The following GPRASP1 variants were observed in gnomAD, a reference collection of about 807,000 sequenced individuals.
GPRASP1 encodes G protein-coupled receptor-associated sorting protein 1.
In GPRASP1, 28 loss-of-function variants were observed where a neutral mutation model predicts 68.4. The observed-to-expected ratio is 0.41, with a 90% CI of 0.30 to 0.56. GPRASP1 has a LOEUF of 0.56. Among genes scored for constraint, GPRASP1 ranks in the 20% least tolerant of loss-of-function variants. The pLI, the probability that GPRASP1 is intolerant of heterozygous loss-of-function variation, is 0.29. For missense variants in GPRASP1, 913 were observed against 1,031.5 expected, an observed-to-expected ratio of 0.89 and a Z score of 1.57; for synonymous variants, 304 against 358.2, an observed-to-expected ratio of 0.85 and a Z score of 1.71.
At position 102,651,851 on chromosome X, in the gene GPRASP1, C is replaced by T. The variant is rs1341623225; in HGVS notation, c.-572+118C>T. ...CGTCAGATCGTCTGGAGGAGAACCG[C>T]GCTGACCGCTTCCCAGCCAGCTTTG... On this transcript the variant is annotated intron_variant, in intron 2 of 5. Transcript: ENST00000537097. 2.7e-5 allele frequency: 3 copies of T among 113,156 alleles called. No homozygotes were observed. In the Admixed American group the frequency reaches 2.8e-4, roughly 10 times the overall value. The allele number at this position is 113,156 out of a possible 1,213,427, so 9.3% of individuals were successfully genotyped here. A position where few individuals can be genotyped will look rare whatever the true frequency, so the allele number is the denominator to read the frequency against.
chrX:102,655,175 C>T lies in GPRASP1; in HGVS notation c.1262C>T (p.Ala421Val). The change falls in exon 6 of 6, where the codon GCC becomes GTC. Residue 421 changes from alanine to valine, a missense_variant. Coordinates refer to ENST00000537097, the MANE Select transcript of GPRASP1 (RefSeq NM_001184727.2). ...GACGAGTCCAGCATGGCAGATGAAGCCAGCATAGAGTCCAGTCTACAAGTG... is the reference window on the plus strand; with the variant it reads ...GACGAGTCCAGCATGGCAGATGAAGTCAGCATAGAGTCCAGTCTACAAGTG... ...ATDESSMADE[A>V]SIESSLQVED... 8.3e-7 allele frequency: 1 copy of T among 1,211,412 alleles called. No homozygotes were observed. The highest frequency in any genetic ancestry group is 1.1e-6 in the Non-Finnish European group (1 of 895,312).
chrX:102,654,275 T>G lies in GPRASP1; in HGVS notation c.362T>G (p.Leu121Arg). 1 of 1,210,070 alleles carries G rather than the reference T, an allele frequency of 8.3e-7. No individual in the cohort carries two copies. ...CAGACCAATATCATAGCCTCTCCAC[T>G]TGTCAGTACTGATTCTGTCTTGGTT... ...NSQTNIIASP[L>R]VSTDSVLVAK... The change falls in exon 6 of 6, where the codon CTT becomes CGT. Residue 121 changes from leucine (L) to arginine (R), a missense_variant. By Grantham distance (102) the Leu-to-Arg change is moderately radical. Coordinates refer to ENST00000537097, the MANE Select transcript of GPRASP1 (RefSeq NM_001184727.2).
chrX:102,653,734 T>A lies in GPRASP1; in HGVS notation c.-180T>A. 2.2e-6 allele frequency: 1 copy of A among 450,575 alleles called. No individual in the cohort carries two copies. The highest frequency in any genetic ancestry group is 3.9e-6 in the Non-Finnish European group (1 of 255,000). 37.1% of individuals were successfully genotyped at this position (450,575 alleles called of 1,213,427 possible). A position where few individuals can be genotyped will look rare whatever the true frequency, so the allele number is the denominator to read the frequency against. ...ATTATTGAATTACTGACTGAGACTG[T>A]GTTTGGGAAGGAGGCTGAGTGACTA... On this transcript the variant is annotated 5_prime_UTR_variant, in exon 6 of 6. Coordinates refer to ENST00000537097, the MANE Select transcript of GPRASP1 (RefSeq NM_001184727.2).
Position 102,657,339 on chromosome X carries a change from T to C in GPRASP1, c.3426T>C (p.Cys1142=). The change falls in exon 6 of 6, where the codon TGT becomes TGC. Residue 1142 remains cysteine, a synonymous_variant. Coordinates refer to ENST00000537097, the MANE Select transcript of GPRASP1 (RefSeq NM_001184727.2). ...KESTEPESSS[C]NCIQCELKIG... ...GTACAGAGCCTGAGAGTTCATCCTG[T>C]AACTGCATACAATGTGAGCTGAAAA... 2 of 1,211,402 alleles carry C rather than the reference T, an allele frequency of 1.7e-6. No individual in the cohort carries two copies. Among genetic ancestry groups the C allele is most frequent in the Non-Finnish European group, 2.2e-6 (2 of 895,157 alleles).
Position 102,656,830 on chromosome X carries a change from T to C in GPRASP1, c.2917T>C (p.Phe973Leu). Residue 973 changes from phenylalanine (F) to leucine (L), a missense_variant, in exon 6 of 6, where the codon TTT (phenylalanine) becomes CTT (leucine). Transcript: ENST00000537097. ...GGAAGGGGCCATTGTTGGGTCTTGGTTTGAGGCTGAAGATGAGGTAGATAA... is the reference window on the plus strand; with the variant it reads ...GGAAGGGGCCATTGTTGGGTCTTGGCTTGAGGCTGAAGATGAGGTAGATAA... ...NEEGAIVGSW[F>L]EAEDEVDNRT... 1 of 1,211,110 alleles carries C rather than the reference T, an allele frequency of 8.3e-7. No homozygotes were observed. The highest frequency in any genetic ancestry group is 3.0e-5 in the East Asian group (1 of 33,794).
Position 102,655,775 on chromosome X carries a change from TAGA to T in GPRASP1, c.1865_1867del (p.Glu622del). On this transcript the variant is annotated inframe_deletion, in exon 6 of 6. Coordinates refer to ENST00000537097, the MANE Select transcript of GPRASP1 (RefSeq NM_001184727.2). ...ATTGGGTCCTGGTTTTGGACCAGAG[TAGA>T]AGCTTGTGTGGAGGGTGATGTCAAC... 5.0e-6 allele frequency: 6 copies of T among 1,209,070 alleles called. No individual in the cohort carries two copies. Among genetic ancestry groups the T allele is most frequent in the Non-Finnish European group, 6.7e-6 (6 of 894,494 alleles).
chrX:102,656,598 G>T lies in GPRASP1; in HGVS notation c.2685G>T (p.Glu895Asp). 8.3e-7 allele frequency: 1 copy of T among 1,209,990 alleles called. No individual in the cohort carries two copies. Among genetic ancestry groups the T allele is most frequent in the Non-Finnish European group, 1.1e-6 (1 of 894,854 alleles). ...TACAGGCTGGATCTCAGGCAGTAGAGGAAATGGAGTCAGAGACTGAAGAGG... is the reference window on the plus strand; with the variant it reads ...TACAGGCTGGATCTCAGGCAGTAGATGAAATGGAGTCAGAGACTGAAGAGG... Reference protein sequence around the residue: ...ASIQAGSQAVEEMESETEEET... With the variant: ...ASIQAGSQAVDEMESETEEET... Residue 895 changes from glutamate (E) to aspartate (D), a missense_variant, in exon 6 of 6, where the codon GAG becomes GAT. By Grantham distance (45) the Glu-to-Asp change is conservative. Coordinates refer to ENST00000537097, the MANE Select transcript of GPRASP1 (RefSeq NM_001184727.2).
Position 102,653,221 on chromosome X carries a change from G to A in GPRASP1, c.-412G>A, listed in dbSNP as rs995060396. 1.8e-5 allele frequency: 2 copies of A among 111,519 alleles called. No individual in the cohort carries two copies. The highest frequency in any genetic ancestry group is 6.5e-5 in the African/African-American group (2 of 30,578). 9.2% of individuals were successfully genotyped at this position (111,519 alleles called of 1,213,427 possible). On this transcript the variant is annotated splice_region_variant and 5_prime_UTR_variant, in exon 5 of 6. Coordinates refer to ENST00000537097, the MANE Select transcript of GPRASP1 (RefSeq NM_001184727.2). The stretch of plus-strand genomic sequence containing the variant: ...CTCCTGTATGTTTACTTGTCTGTAG[G>A]ACCCCCTTCTGTCAGCTGTGGGGCT...
Position 102,656,436 on chromosome X carries a change from C to G in GPRASP1, c.2523C>G (p.Val841=). The change falls in exon 6 of 6, where the codon GTC becomes GTG. Residue 841 remains valine, a synonymous_variant. Coordinates refer to ENST00000537097, the MANE Select transcript of GPRASP1 (RefSeq NM_001184727.2). ...GTCCTAAAGCTGAAGAGGAAGAAGT[C>G]ATTATTGGGTCCTGGTTCTGGGAAG... The part of the protein sequence containing the change: ...KSSPKAEEEE[V]IIGSWFWEEE... 1.7e-6 allele frequency: 2 copies of G among 1,210,561 alleles called. No individual in the cohort carries two copies. The highest frequency in any genetic ancestry group is 2.2e-5 in the Admixed American group (1 of 45,934).
intron 3 of GPRASP1, 150 bp from the exon 4 acceptor site, chrX:102,652,681 A>G (rs774800181): frequency 8.8e-6 from 1 of 113,009 alleles, no homozygotes; most frequent in South Asian, 3.7e-4. Context: ...GGCCTAAACA[A>G]AACGAGAATA....
In GPRASP1 at chrX:102,656,079, C is replaced by T. The variant is rs1267647730; in HGVS notation, c.2166C>T (p.Ser722=). Residue 722 remains serine, a synonymous_variant, in exon 6 of 6, where the codon TCC becomes TCT. Transcript: ENST00000537097. ...KYTKPEAIIG[S]WLWATEESNI... is the part of the protein sequence containing the mutation. Reference sequence around the variant, plus strand: ...CAAAGCCAGAGGCCATTATAGGGTCCTGGTTATGGGCTACAGAAGAGAGTA... The same window carrying T: ...CAAAGCCAGAGGCCATTATAGGGTCTTGGTTATGGGCTACAGAAGAGAGTA... 7.4e-6 allele frequency: 9 copies of T among 1,211,205 alleles called. No individual in the cohort carries two copies. The highest frequency in any genetic ancestry group is 2.2e-5 in the Admixed American group (1 of 46,033).
Position 102,656,022 on chromosome X carries a change from T to C in GPRASP1, c.2109T>C (p.Ile703=), listed in dbSNP as rs1449549319. ...WKSRPEEEED[I]VNSWFWSRKY... The stretch of plus-strand genomic sequence containing the variant: ...CTAGGCCAGAGGAGGAAGAGGACAT[T>C]GTCAATTCGTGGTTCTGGTCCAGAA... The change falls in exon 6 of 6, where the codon ATT becomes ATC. Residue 703 remains isoleucine, a synonymous_variant. Transcript: ENST00000537097. 2 of 1,209,636 alleles carry C rather than the reference T, an allele frequency of 1.7e-6. No homozygotes were observed. Among genetic ancestry groups the C allele is most frequent in the African/African-American group, 3.5e-5 (2 of 57,028 alleles).
intron 3 of GPRASP1, 143 bp downstream of exon 3, chrX:102,652,408 A>G (rs1216285775): frequency 1.8e-5 from 2 of 111,541 alleles, no homozygotes; most frequent in East Asian, 2.8e-4. Flanking sequence ...CCCACCTTCC[A>G]TCCCCATCTG....
chrX:102,655,246 G>A lies in GPRASP1; in HGVS notation c.1333G>A (p.Ala445Thr). 1.7e-6 allele frequency: 2 copies of A among 1,211,421 alleles called. No homozygotes were observed. Among genetic ancestry groups the A allele is most frequent in the Admixed American group, 4.3e-5 (2 of 46,068 alleles). ...GAGTTGGTTCTGGACTGAAGAAGAG[G>A]CCAGTATGGGGACTGGGGCTAGCAG... ...IGSWFWTEEE[A>T]SMGTGASSKS... The change falls in exon 6 of 6, where the codon GCC becomes ACC. Residue 445 changes from alanine to threonine, a missense_variant. Transcript: ENST00000537097.
At chrX:102,652,968 G>A (rs1456472195) in intron 4 of GPRASP1, 70 bp downstream of exon 4, 2 of 111,862 alleles carry the variant, frequency 1.8e-5, no homozygotes, top group African/African-American at 6.5e-5. Context: ...GTGGCTTTGA[G>A]ACCAGTGGGT....
rs768820508 is a variant in GPRASP1 at position 102,654,200 on chromosome X, C to T, written c.287C>T (p.Ala96Val). ...TTTAAGGAAGAAGCCCAGATGTGGG[C>T]TCAGCCCAGGTTTGGTGCTGAAAGA... ...SRFKEEAQMW[A>V]QPRFGAERLS... Residue 96 changes from alanine to valine, a missense_variant, in exon 6 of 6, where the codon GCT becomes GTT. Physicochemically the swap from Ala to Val is moderately conservative, Grantham distance 64. Coordinates refer to ENST00000537097, the MANE Select transcript of GPRASP1 (RefSeq NM_001184727.2). 3.3e-6 allele frequency: 4 copies of T among 1,211,191 alleles called. No individual in the cohort carries two copies. In the African/African-American group the frequency reaches 7.0e-5, roughly 21 times the overall value.
rs1189396990 is a variant in GPRASP1 at position 102,657,706 on chromosome X, A to G, written c.3793A>G (p.Thr1265Ala). The change falls in exon 6 of 6, where the codon ACT (threonine) becomes GCT (alanine). Residue 1265 changes from threonine (T) to alanine (A), a missense_variant. Thr to Ala is a moderately conservative substitution (Grantham distance 58, BLOSUM62 0). Coordinates refer to ENST00000537097, the MANE Select transcript of GPRASP1 (RefSeq NM_001184727.2). ...LSGIRMIRHL[T>A]TTTDYHTLVA... ...TGGAATAAGGATGATTAGACATCTC[A>G]CTACTACTACTGACTATCACACACT... 4 of 1,207,555 alleles carry G rather than the reference A, an allele frequency of 3.3e-6. No homozygotes were observed. Among genetic ancestry groups the G allele is most frequent in the Non-Finnish European group, 4.5e-6 (4 of 891,495 alleles).
chrX:102,651,927 G>A (rs1429033087), intron 2 of GPRASP1, among the ~76,000 whole-genome samples, 194 bp downstream of exon 2: 1 of 112,696 alleles, frequency 8.9e-6, no homozygotes, highest in Non-Finnish European at 1.9e-5. Flanking sequence ...AGACGGCTGT[G>A]GGGGAGGCTC....
rs1259702095 is a variant in GPRASP1, at chrX:102,656,863, G to A, written c.2950G>A (p.Asp984Asn). 1.7e-6 allele frequency: 2 copies of A among 1,208,692 alleles called. No homozygotes were observed. The highest frequency in any genetic ancestry group is 1.8e-5 in the South Asian group (1 of 56,738). The change falls in exon 6 of 6, where the codon GAC becomes AAC. Residue 984 changes from aspartate (D) to asparagine (N), a missense_variant. Coordinates refer to ENST00000537097, the MANE Select transcript of GPRASP1 (RefSeq NM_001184727.2). ...TGAAGATGAGGTAGATAACAGGACT[G>A]ACAATGGAAGCAACTGTGGGTCCAG... ...EAEDEVDNRT[D>N]NGSNCGSRTL... is the part of the protein sequence containing the mutation.
Sources: gnomAD v4.1 joint callset for allele counts (sites outside exome capture counted in the v4.1 genomes callset) on GRCh38, gnomAD v4.1.1 for gene constraint, MANE v1.5 for transcripts, NCBI Gene and HGNC (gene_info 2026-07-23, HGNC 2026-07-21) for gene names.